ADAMTS17: variants seen among roughly 807,000 people sequenced by gnomAD.
ADAMTS17 encodes the protein ADAM metallopeptidase with thrombospondin type 1 motif 17.
ADAMTS17 carries 113 observed loss-of-function variants against 141.5 expected under a neutral mutation model. That is an observed-to-expected ratio of 0.80 (90% confidence interval 0.69 to 0.93). The LOEUF (loss-of-function observed/expected upper bound fraction) is 0.93. Among genes scored for constraint, ADAMTS17 ranks in the 40% least tolerant of loss-of-function variants. The probability of loss-of-function intolerance (pLI) is 0.00; values close to 1 mark genes in which losing one functional copy is unlikely to be tolerated. For missense variants in ADAMTS17, 1,659 were observed against 1,517.9 expected (o/e 1.09, Z -1.54); for synonymous variants, 768 against 630.6 (o/e 1.22, Z -3.27).
chr15:100,068,146 C>T (rs539883207), intron 15 of ADAMTS17, among the ~76,000 whole-genome samples: 2 of 152,260 alleles, frequency 1.3e-5, no homozygotes, highest in South Asian at 4.2e-4. Context: ...CACGGAGCCT[C>T]GCTCATTGCT....
At chr15:100,244,752 C>T (rs979215805) in intron 7 of ADAMTS17, among the ~76,000 whole-genome samples, 1 of 152,068 alleles carries the variant, frequency 6.6e-6, no homozygotes, top group Non-Finnish European at 1.5e-5. Flanking sequence ...GAGCAGGACC[C>T]TTGTTTCAAT....
At chr15:99,975,872 G>A (rs1028089500) in intron 21 of ADAMTS17, among the ~76,000 whole-genome samples, 173 bp downstream of exon 21, 13 of 81,686 alleles carry the variant, frequency 1.6e-4, no homozygotes, top group Admixed American at 7.4e-4. Flanking sequence ...CCATAACAAG[G>A]AATGGAATCC....
intron 9 of ADAMTS17, 83 bp downstream of exon 9, chr15:100,155,097 C>T: frequency 6.2e-7 from 1 of 1,601,162 alleles, no homozygotes; most frequent in East Asian, 2.2e-5. Flanking sequence ...TTCTCCACTT[C>T]ACACTTGCTG....
intron 3 of ADAMTS17, among the ~76,000 whole-genome samples, chr15:100,323,314 C>G (rs1302826430): frequency 1.3e-5 from 2 of 152,040 alleles, no homozygotes; most frequent in Non-Finnish European, 2.9e-5. Context: ...ATAAATAACC[C>G]AAGGTCACTC....
intron 18 of ADAMTS17, among the ~76,000 whole-genome samples, chr15:100,020,422 G>C (rs1048819930): frequency 6.6e-6 from 1 of 152,180 alleles, no homozygotes; most frequent in African/African-American, 2.4e-5. Flanking sequence ...CAACAGGACT[G>C]AGCTGGCTGC....
At chr15:99,983,222 T>C (rs2060516441) in intron 20 of ADAMTS17, among the ~76,000 whole-genome samples, 2 of 152,118 alleles carry the variant, frequency 1.3e-5, no homozygotes, top group Non-Finnish European at 2.9e-5. Flanking sequence ...CGGGCTTACG[T>C]ACGAGCTTGT....
At chr15:100,270,521 T>C (rs983221596) in intron 4 of ADAMTS17, among the ~76,000 whole-genome samples, 3 of 151,988 alleles carry the variant, frequency 2.0e-5, no homozygotes, top group Admixed American at 6.5e-5. Context: ...GTAAAGCCAG[T>C]GTTTGTTTCT....
intron 4 of ADAMTS17, among the ~76,000 whole-genome samples, chr15:100,264,949 A>T (rs1567453975): frequency 6.6e-6 from 1 of 152,246 alleles, no homozygotes; most frequent in Non-Finnish European, 1.5e-5. Context: ...CTAAGGTGGT[A>T]AATTTCATGT....
Position 99,997,293 on chromosome 15 carries a change from C to G in ADAMTS17, c.2796+92G>C, listed in dbSNP as rs551293046. The G allele has an allele frequency of 1.4e-6, 2 of 1,449,004 alleles. No individual in the cohort carries two copies. The highest frequency in any genetic ancestry group is 1.7e-5 in the Admixed American group (1 of 59,716). The allele number at this position is 1,449,004 out of a possible 1,614,324, so 89.8% of individuals were successfully genotyped here. A position where few individuals can be genotyped will look rare whatever the true frequency, so the allele number is the denominator to read the frequency against. On this transcript the variant is annotated intron_variant, in intron 19 of 21. Coordinates refer to ENST00000268070, the MANE Select transcript of ADAMTS17 (RefSeq NM_139057.4). This position sits in a 1 kb window ranked among gnomAD's most constrained non-coding sequence, Gnocchi z 4.7. ...AACTTCAAGCTGACCTGGGGGCGAG[C>G]GAGGGCTGGGAGGCACCAGAATGTC...
intron 7 of ADAMTS17, among the ~76,000 whole-genome samples, chr15:100,251,959 C>T (rs547217371): frequency 1.8e-4 from 27 of 152,244 alleles, no homozygotes; most frequent in African/African-American, 6.0e-4. Flanking sequence ...TTCCAGCCTC[C>T]GGATCTGTGA....
intron 20 of ADAMTS17, among the ~76,000 whole-genome samples, chr15:99,992,360 G>A (rs1356664804): frequency 6.6e-6 from 1 of 152,196 alleles, no homozygotes; most frequent in African/African-American, 2.4e-5. Context: ...ATGCTTACAG[G>A]AGGAGTGGTA....
At chr15:100,059,948 G>A (rs2032985971) in intron 15 of ADAMTS17, among the ~76,000 whole-genome samples, 1 of 152,224 alleles carries the variant, frequency 6.6e-6, no homozygotes, top group African/African-American at 2.4e-5. Flanking sequence ...GGGCATCAGT[G>A]AGTATCTCCA....
chr15:100,100,308 CCTG>C (rs150112778), intron 14 of ADAMTS17, among the ~76,000 whole-genome samples: 1,571 of 152,290 alleles, frequency 0.01, 18 homozygotes, highest in Non-Finnish European at 0.017. Flanking sequence ...CCCGGGGCTC[CCTG>C]CTTTTTCCGA....
At chr15:99,984,176 G>C (rs556617773) in intron 20 of ADAMTS17, among the ~76,000 whole-genome samples, 1 of 152,282 alleles carries the variant, frequency 6.6e-6, no homozygotes, top group South Asian at 2.1e-4. Flanking sequence ...GGACCTTCTA[G>C]CCAGGGAACC....
intron 18 of ADAMTS17, among the ~76,000 whole-genome samples, chr15:100,015,417 G>GT (rs112581454): frequency 7.2e-6 from 1 of 138,510 alleles, no homozygotes; most frequent in East Asian, 2.0e-4. Context: ...GCTTTTTTTT[G>GT]TTTTTCTTTT....
chr15:100,341,192 G>C lies in ADAMTS17; in HGVS notation c.297C>G (p.Asp99Glu). 1 of 1,463,340 alleles carries C rather than the reference G, an allele frequency of 6.8e-7. No homozygotes were observed. The highest frequency in any genetic ancestry group is 1.3e-5 in the South Asian group (1 of 78,246). 90.6% of individuals were successfully genotyped at this position (1,463,340 alleles called of 1,614,324 possible). A position where few individuals can be genotyped will look rare whatever the true frequency, so the allele number is the denominator to read the frequency against. ...GRDLYLQLRR[D>E]LRFLSRGFEV... ...CGAAGCCTCGGGACAGGAAGCGCAGGTCGCGGCGCAGCTGAAGGTACAGGT... is the reference window on the plus strand; with the variant it reads ...CGAAGCCTCGGGACAGGAAGCGCAGCTCGCGGCGCAGCTGAAGGTACAGGT... The change falls in exon 2 of 22, where the codon GAC becomes GAG. Residue 99 changes from aspartate to glutamate, a missense_variant. Coordinates refer to ENST00000268070, the MANE Select transcript of ADAMTS17 (RefSeq NM_139057.4).
At position 100,199,424 on chromosome 15, in the gene ADAMTS17, C is replaced by T. The variant is rs746477211; in HGVS notation, c.1076-1G>A. ...CACACACCTCCTAAGTAAGCAATTC[C>T]TGCAGCAGAGACACAAAACACATCC... On this transcript the variant is annotated splice_acceptor_variant, in intron 7 of 21. Transcript: ENST00000268070. LOFTEE classifies it high-confidence loss of function. 6.2e-7 allele frequency: 1 copy of T among 1,613,874 alleles called. No individual in the cohort carries two copies. Among genetic ancestry groups the T allele is most frequent in the East Asian group, 2.2e-5 (1 of 44,878 alleles).
At chr15:100,265,107 T>C (rs752008290) in intron 4 of ADAMTS17, among the ~76,000 whole-genome samples, 3 of 152,172 alleles carry the variant, frequency 2.0e-5, no homozygotes, top group Non-Finnish European at 4.4e-5. Flanking sequence ...AGAGAGCAGG[T>C]ACCAAGGCCT....
intron 3 of ADAMTS17, among the ~76,000 whole-genome samples, chr15:100,316,196 C>G (rs958824970): frequency 1.3e-5 from 2 of 152,300 alleles, no homozygotes; most frequent in Middle Eastern, 3.4e-3. Context: ...GGCTGCCTCC[C>G]CAGGATGCCC....
Sources: allele counts gnomAD v4.1 joint callset (sites outside exome capture counted in the v4.1 genomes callset), GRCh38; gene constraint gnomAD v4.1.1; non-coding constraint Gnocchi (gnomAD v3.1); transcripts MANE v1.5; gene names NCBI Gene and HGNC (gene_info 2026-07-23, HGNC 2026-07-21).